GRM8: variants seen among roughly 807,000 people sequenced by gnomAD.
GRM8 encodes the protein metabotropic glutamate receptor 8.
In GRM8, 47 loss-of-function variants were observed where a neutral mutation model predicts 87.2. The ratio of observed to expected loss-of-function variants is 0.54; its 90% CI spans 0.43 to 0.69. The LOEUF (loss-of-function observed/expected upper bound fraction) is 0.69. GRM8 is among the 30% of genes least tolerant of loss of function. The pLI, the probability that GRM8 is intolerant of heterozygous loss-of-function variation, is 0.00. For missense variants in GRM8, 1,019 were observed against 1,139.2 expected, an observed-to-expected ratio of 0.89 and a Z score of 1.52; for synonymous variants, 396 against 404.5, an observed-to-expected ratio of 0.98 and a Z score of 0.25.
intron 2 of GRM8, among the ~76,000 whole-genome samples, chr7:127,151,412 T>C (rs972633522): frequency 6.6e-6 from 1 of 152,072 alleles, no homozygotes; most frequent in Non-Finnish European, 1.5e-5. Flanking sequence ...CTACCATTTC[T>C]TATCTAAGGA....
chr7:126,720,337 G>T (rs1401968129), intron 7 of GRM8, among the ~76,000 whole-genome samples: 1 of 151,682 alleles, frequency 6.6e-6, no homozygotes, highest in Non-Finnish European at 1.5e-5. Context: ...GTAGAGACAG[G>T]GTCTATGTGG....
intron 7 of GRM8, among the ~76,000 whole-genome samples, chr7:126,660,046 T>C (rs577165150): frequency 2.0e-5 from 3 of 152,212 alleles, no homozygotes; most frequent in Non-Finnish European, 1.5e-5. Context: ...CTTTAGTTTT[T>C]ATGTAGCTAA....
At chr7:126,664,320 A>G (rs919983181) in intron 7 of GRM8, among the ~76,000 whole-genome samples, 5 of 152,170 alleles carry the variant, frequency 3.3e-5, no homozygotes, top group Non-Finnish European at 7.4e-5. Flanking sequence ...AAAGAGCCCA[A>G]ATACTCAAAG....
At chr7:126,831,642 C>T (rs1377745016) in intron 6 of GRM8, among the ~76,000 whole-genome samples, 1 of 152,180 alleles carries the variant, frequency 6.6e-6, no homozygotes, top group Non-Finnish European at 1.5e-5. Context: ...TCCCTGACTC[C>T]TTGTGCTTCC....
intron 8 of GRM8, among the ~76,000 whole-genome samples, chr7:126,602,607 C>A (rs1270756735): frequency 2.9e-5 from 4 of 138,634 alleles, no homozygotes; most frequent in South Asian, 2.5e-4. Context: ...CTTTTATTTC[C>A]TTGAGCAGTG....
chr7:127,243,693 T>C (rs762936585), intron 1 of GRM8, among the ~76,000 whole-genome samples, 178 bp from the exon 2 acceptor site: 1 of 151,902 alleles, frequency 6.6e-6, no homozygotes, highest in African/African-American at 2.4e-5. Context: ...GGGAGATTGA[T>C]CATATTTTTG....
intron 6 of GRM8, among the ~76,000 whole-genome samples, chr7:126,893,141 A>G (rs980873170): frequency 3.7e-4 from 56 of 152,184 alleles, no homozygotes; most frequent in African/African-American, 1.3e-3. Context: ...TTCCCCTCAA[A>G]TAGTATAAAT....
chr7:127,028,620 T>C (rs1326449955), intron 3 of GRM8, among the ~76,000 whole-genome samples: 2 of 152,212 alleles, frequency 1.3e-5, no homozygotes, highest in African/African-American at 4.8e-5. Flanking sequence ...TTTATTTGCA[T>C]AGAGGTGTTT....
At chr7:126,830,389 G>A (rs2130393404) in intron 6 of GRM8, among the ~76,000 whole-genome samples, 1 of 152,220 alleles carries the variant, frequency 6.6e-6, no homozygotes, top group Non-Finnish European at 1.5e-5. Context: ...TTTCGTGGAG[G>A]CTTTGTTCAT....
At chr7:126,984,326 G>T (rs968759539) in intron 3 of GRM8, among the ~76,000 whole-genome samples, 7 of 152,114 alleles carry the variant, frequency 4.6e-5, no homozygotes, top group African/African-American at 1.7e-4. Flanking sequence ...CTCAAAGTAT[G>T]GATCCTGGGT....
intron 9 of GRM8, among the ~76,000 whole-genome samples, chr7:126,467,215 A>G (rs566873754): frequency 4.7e-5 from 7 of 147,870 alleles, no homozygotes; most frequent in Admixed American, 1.4e-4. Flanking sequence ...TCTTTGTTCA[A>G]CTCCCACTTA....
chr7:126,635,561 C>A (rs754746264), intron 7 of GRM8, among the ~76,000 whole-genome samples: 3 of 151,934 alleles, frequency 2.0e-5, no homozygotes, highest in Non-Finnish European at 4.4e-5. Flanking sequence ...AAAATGTATT[C>A]TTTCAGAAAT....
intron 3 of GRM8, among the ~76,000 whole-genome samples, chr7:126,914,901 A>G (rs1176744828): frequency 6.6e-6 from 1 of 151,900 alleles, no homozygotes; most frequent in African/African-American, 2.4e-5. Context: ...CTGCTCATGT[A>G]CCCCCCCAAT....
chr7:127,013,505 C>T (rs1815096728), intron 3 of GRM8, among the ~76,000 whole-genome samples: 2 of 121,448 alleles, frequency 1.6e-5, no homozygotes, highest in South Asian at 6.0e-4. Context: ...TCCTGGCTAA[C>T]TGGCTCTCTG....
chr7:127,130,008 C>T (rs1414915759), intron 2 of GRM8, among the ~76,000 whole-genome samples: 9 of 152,086 alleles, frequency 5.9e-5, no homozygotes, highest in Admixed American at 5.9e-4. Context: ...GGTCAGTTTC[C>T]CACATGCTGT....
intron 3 of GRM8, among the ~76,000 whole-genome samples, chr7:127,076,920 C>T (rs1175581308): frequency 6.6e-6 from 1 of 152,158 alleles, no homozygotes; most frequent in Non-Finnish European, 1.5e-5. Flanking sequence ...CCAATCAAAG[C>T]CATTAATGAG....
At chr7:126,445,843 C>T (rs755737943) in intron 10 of GRM8, among the ~76,000 whole-genome samples, 6 of 151,956 alleles carry the variant, frequency 3.9e-5, no homozygotes, top group Admixed American at 6.6e-5. Flanking sequence ...AAGAAGATGA[C>T]GCTTTCAAAT....
intron 9 of GRM8, among the ~76,000 whole-genome samples, chr7:126,516,164 T>C (rs1349352167): frequency 6.6e-6 from 1 of 152,072 alleles, no homozygotes; most frequent in Non-Finnish European, 1.5e-5. Flanking sequence ...TAGAATACAG[T>C]TGCTGGATAA....
chr7:126,624,715 T>C (rs183776624), intron 7 of GRM8, among the ~76,000 whole-genome samples: 42 of 80,834 alleles, frequency 5.2e-4, no homozygotes, highest in Admixed American at 2.0e-3. Context: ...CACTTAGGCA[T>C]GGCCAAATTA....
Sources: gnomAD v4.1 joint callset for allele counts (sites outside exome capture counted in the v4.1 genomes callset) on GRCh38, gnomAD v4.1.1 for gene constraint, MANE v1.5 for transcripts, NCBI Gene and HGNC (gene_info 2026-07-23, HGNC 2026-07-21) for gene names.